EPHA3: variants seen among roughly 807,000 people sequenced by gnomAD.
EPHA3 encodes ephrin type-A receptor 3.
Under a neutral mutation model 107.1 loss-of-function variants are expected in EPHA3, and 42 were observed. The observed-to-expected ratio is 0.39, with a 90% CI of 0.31 to 0.51. The LOEUF (loss-of-function observed/expected upper bound fraction) is 0.51. EPHA3 is among the 20% of genes least tolerant of loss of function. EPHA3 has a pLI of 0.78. For synonymous variants in EPHA3, 461 were observed against 424.8 expected, an observed-to-expected ratio of 1.09 and a Z score of -1.05; for missense variants, 1,183 against 1,211.2, an observed-to-expected ratio of 0.98 and a Z score of 0.35.
intron 2 of EPHA3, among the ~76,000 whole-genome samples, chr3:89,163,962 T>G (rs928145729): frequency 6.6e-6 from 1 of 152,206 alleles, no homozygotes; most frequent in Non-Finnish European, 1.5e-5. Context: ...CTAGTTTTTT[T>G]GTATAGAGAA....
chr3:89,160,299 A>G (rs898087557), intron 2 of EPHA3, among the ~76,000 whole-genome samples: 10 of 152,114 alleles, frequency 6.6e-5, no homozygotes, highest in African/African-American at 2.2e-4. Context: ...TTGAAAAGGG[A>G]TATGAAAAGA....
intron 2 of EPHA3, among the ~76,000 whole-genome samples, chr3:89,140,786 G>A (rs1190622867): frequency 1.3e-5 from 2 of 151,630 alleles, no homozygotes; most frequent in African/African-American, 4.8e-5. Context: ...AGTTTATGTA[G>A]CATACAAGGG....
In EPHA3 at chr3:89,149,390, A is replaced by C. The variant is rs1704640146; in HGVS notation, c.153+22117A>C. Among the ~76,000 whole-genome samples, 4 of 152,076 alleles carry C rather than the reference A, an allele frequency of 2.6e-5. No individual in the cohort carries two copies. The South Asian group carries it at 8.3e-4, about 32-fold the overall frequency. ...AAACCATTGAAATAAGACACATAGG[A>C]GTGGTATGTCATCCATCAGACACTA... On this transcript the variant is annotated intron_variant, in intron 2 of 16. Coordinates refer to ENST00000336596, the MANE Select transcript of EPHA3 (RefSeq NM_005233.6).
At chr3:89,173,226 T>G (rs1705246427) in intron 2 of EPHA3, among the ~76,000 whole-genome samples, 1 of 152,142 alleles carries the variant, frequency 6.6e-6, no homozygotes, top group African/African-American at 2.4e-5. Context: ...GAATCTAATT[T>G]GTATCCTTTG....
chr3:89,298,968 T>G (rs543538033), intron 3 of EPHA3, among the ~76,000 whole-genome samples: 1 of 152,214 alleles, frequency 6.6e-6, no homozygotes, highest in African/African-American at 2.4e-5. Flanking sequence ...AATATTTTCA[T>G]AAAGTCCTTT....
At chr3:89,340,810 T>G (rs2107416786) in intron 3 of EPHA3, 106 bp from the exon 4 acceptor site, 1 of 1,234,016 alleles carries the variant, frequency 8.1e-7, no homozygotes, top group Non-Finnish European at 1.1e-6. Context: ...GGAAAAAACT[T>G]GATTTTTATT....
At chr3:89,449,649 C>G (rs184783434) in intron 14 of EPHA3, among the ~76,000 whole-genome samples, 3 of 152,242 alleles carry the variant, frequency 2.0e-5, no homozygotes, top group Non-Finnish European at 2.9e-5. Flanking sequence ...AAGATAACCT[C>G]TAGATTCTAA....
chr3:89,479,885 T>A lies in EPHA3; in HGVS notation c.*383T>A, dbSNP rs1576400676. ...AGGTAGAGCCACAAAAGAAAAGACTTGTAATATTTTTATATACAGAGGAAA... is the reference window on the plus strand; with the variant it reads ...AGGTAGAGCCACAAAAGAAAAGACTAGTAATATTTTTATATACAGAGGAAA... On this transcript the variant is annotated 3_prime_UTR_variant, in exon 17 of 17. Coordinates refer to ENST00000336596, the MANE Select transcript of EPHA3 (RefSeq NM_005233.6). 1 of 246,516 alleles carries A rather than the reference T, an allele frequency of 4.1e-6. No individual in the cohort carries two copies. Among genetic ancestry groups the A allele is most frequent in the South Asian group, 1.5e-4 (1 of 6,764 alleles). The allele number at this position is 246,516 out of a possible 1,614,324, so 15.3% of individuals were successfully genotyped here. A position where few individuals can be genotyped will look rare whatever the true frequency, so the allele number is the denominator to read the frequency against.
intron 5 of EPHA3, among the ~76,000 whole-genome samples, chr3:89,363,465 A>AT (rs150691315): frequency 6.6e-6 from 1 of 150,648 alleles, no homozygotes; most frequent in Non-Finnish European, 1.5e-5. Context: ...AGGGTTCTCT[A>AT]TTTTTTCTCT....
chr3:89,307,967 C>A (rs1034528799), intron 3 of EPHA3, among the ~76,000 whole-genome samples: 3 of 152,080 alleles, frequency 2.0e-5, no homozygotes, highest in Non-Finnish European at 4.4e-5. Flanking sequence ...TTGTGATTTA[C>A]GATAGCATCT....
intron 5 of EPHA3, among the ~76,000 whole-genome samples, chr3:89,393,279 G>T (rs879491625): frequency 1.3e-5 from 2 of 152,192 alleles, no homozygotes; most frequent in East Asian, 1.9e-4. Flanking sequence ...AGTCCAACAG[G>T]GTCCTGCAGC....
intron 2 of EPHA3, among the ~76,000 whole-genome samples, chr3:89,167,391 A>G (rs1705096787): frequency 6.6e-6 from 1 of 152,148 alleles, no homozygotes; most frequent in Non-Finnish European, 1.5e-5. Context: ...AAGATAAAGC[A>G]TAACTACAAG....
chr3:89,326,471 C>T (rs1559648346), intron 3 of EPHA3, among the ~76,000 whole-genome samples: 1 of 152,038 alleles, frequency 6.6e-6, no homozygotes, highest in Non-Finnish European at 1.5e-5. Flanking sequence ...TCACTGAAGC[C>T]TTGAGTCCCC....
intron 2 of EPHA3, among the ~76,000 whole-genome samples, chr3:89,168,942 C>T (rs1333628301): frequency 6.6e-6 from 1 of 151,834 alleles, no homozygotes; most frequent in Non-Finnish European, 1.5e-5. Context: ...ATTCATTGTA[C>T]ATAAATTATA....
At chr3:89,240,954 G>A (rs1200826237) in intron 3 of EPHA3, among the ~76,000 whole-genome samples, 6 of 151,276 alleles carry the variant, frequency 4.0e-5, no homozygotes, top group African/African-American at 1.2e-4. Context: ...TTAAGGACAT[G>A]GATTAAAATA....
chr3:89,142,189 T>C (rs563472372), intron 2 of EPHA3, among the ~76,000 whole-genome samples: 2 of 151,410 alleles, frequency 1.3e-5, no homozygotes, highest in Non-Finnish European at 3.0e-5. Flanking sequence ...TAAACAATAA[T>C]AGCCTTAGGA....
At chr3:89,403,066 T>C (rs1708996779) in intron 7 of EPHA3, among the ~76,000 whole-genome samples, 1 of 152,246 alleles carries the variant, frequency 6.6e-6, no homozygotes, top group African/African-American at 2.4e-5. Context: ...TGAGCTGGAA[T>C]TTAGATAACA....
chr3:89,144,477 G>T (rs1165361196), intron 2 of EPHA3, among the ~76,000 whole-genome samples: 1 of 151,626 alleles, frequency 6.6e-6, no homozygotes, highest in African/African-American at 2.4e-5. Context: ...ACTTATTGAG[G>T]TGTGCTTCTT....
chr3:89,439,579 C>T (rs1709741725), intron 13 of EPHA3, among the ~76,000 whole-genome samples: 1 of 152,020 alleles, frequency 6.6e-6, no homozygotes, highest in Non-Finnish European at 1.5e-5. Flanking sequence ...GTTCAGAGTG[C>T]TACAATTTCA....
Sources: gnomAD v4.1 joint callset for allele counts (sites outside exome capture counted in the v4.1 genomes callset) on GRCh38, gnomAD v4.1.1 for gene constraint, MANE v1.5 for transcripts, NCBI Gene and HGNC (gene_info 2026-07-23, HGNC 2026-07-21) for gene names.